CD38: variants seen among roughly 807,000 people sequenced by gnomAD.
CD38 encodes CD38 molecule.
In CD38, 31 loss-of-function variants were observed where a neutral mutation model predicts 36.3. The ratio of observed to expected loss-of-function variants is 0.85; its 90% confidence interval spans 0.64 to 1.15. The LOEUF (loss-of-function observed/expected upper bound fraction) is 1.15. CD38 is among the 50% of genes most tolerant of loss of function. The pLI, the probability that CD38 is intolerant of heterozygous loss-of-function variation, is 0.00. For missense variants in CD38, 380 were observed against 371.9 expected (o/e 1.02, Z -0.18); for synonymous variants, 131 against 135.2 (o/e 0.97, Z 0.22).
rs1419149712 is a variant in CD38, at chr4:15,848,980, G to A, written c.*378G>A. ...CAAGTGAAGAAAAGTGAATGCTCAA[G>A]TTTTTCAGAAAGCATTACATTTCCA... On this transcript the variant is annotated 3_prime_UTR_variant, in exon 8 of 8. Coordinates refer to ENST00000226279, the MANE Select transcript of CD38 (RefSeq NM_001775.4). 1 of 161,634 alleles carries A rather than the reference G, an allele frequency of 6.2e-6. No individual in the cohort carries two copies. Among genetic ancestry groups the A allele is most frequent in the African/African-American group, 2.4e-5 (1 of 41,762 alleles). 10.0% of individuals were successfully genotyped at this position (161,634 alleles called of 1,614,324 possible).
At chr4:15,815,470 G>C (rs1406460374) in intron 1 of CD38, among the ~76,000 whole-genome samples, 2 of 152,036 alleles carry the variant, frequency 1.3e-5, no homozygotes, top group African/African-American at 4.8e-5. Context: ...TCCTTGAAGA[G>C]GTCCTTATGT....
chr4:15,791,496 G>T (rs1238515559), intron 1 of CD38, among the ~76,000 whole-genome samples: 1 of 50,074 alleles, frequency 2.0e-5, no homozygotes, highest in Non-Finnish European at 3.5e-5. Flanking sequence ...TCAGCCCCCC[G>T]CCCGGCCAGC....
intron 1 of CD38, among the ~76,000 whole-genome samples, chr4:15,809,248 C>G (rs925938023): frequency 6.6e-6 from 1 of 152,114 alleles, no homozygotes; most frequent in Non-Finnish European, 1.5e-5. Context: ...GCAGTAGCAG[C>G]TGAGGGAGGT....
In CD38 at chr4:15,839,966, G is replaced by C. The variant is rs1181210901; in HGVS notation, c.660-60G>C. The C allele has an allele frequency of 3.7e-6, 4 of 1,092,654 alleles. No individual in the cohort carries two copies. In the East Asian group the frequency reaches 7.0e-5, roughly 19 times the overall value. The allele number at this position is 1,092,654 out of a possible 1,614,324, so 67.7% of individuals were successfully genotyped here. ...CCTTTCTGCCTGCTGGTTGTTGAGG[G>C]GGGTGTGGATGCTTTCGTTTGGGGT... On this transcript the variant is annotated intron_variant, in intron 5 of 7. Transcript: ENST00000226279.
chr4:15,784,902 A>G (rs1722777364), intron 1 of CD38, among the ~76,000 whole-genome samples: 1 of 152,040 alleles, frequency 6.6e-6, no homozygotes. Flanking sequence ...CTAAAAATAC[A>G]AAAATTAGCC....
chr4:15,814,406 T>C (rs1723538529), intron 1 of CD38, among the ~76,000 whole-genome samples: 2 of 152,252 alleles, frequency 1.3e-5, no homozygotes, highest in Admixed American at 6.5e-5. Context: ...TTCACTCTGA[T>C]GGTAGTTTCT....
intron 1 of CD38, among the ~76,000 whole-genome samples, chr4:15,791,495 C>T (rs1722987875): frequency 1.7e-5 from 1 of 60,420 alleles, no homozygotes; most frequent in Non-Finnish European, 2.9e-5. Context: ...GTCAGCCCCC[C>T]GCCCGGCCAG....
At chr4:15,848,470 C>A in intron 7 of CD38, 69 bp from the exon 8 acceptor site, 1 of 1,159,896 alleles carries the variant, frequency 8.6e-7, no homozygotes, top group Admixed American at 1.8e-5. Context: ...GGGGCTTCCT[C>A]CATTAGCGAA....
intron 1 of CD38, among the ~76,000 whole-genome samples, chr4:15,800,868 G>A (rs749454856): frequency 6.6e-6 from 1 of 151,892 alleles, no homozygotes; most frequent in Non-Finnish European, 1.5e-5. Context: ...CAACTTAACA[G>A]TGAACCTCAG....
intron 1 of CD38, among the ~76,000 whole-genome samples, chr4:15,811,161 G>C (rs1723460147): frequency 6.6e-6 from 1 of 152,074 alleles, no homozygotes; most frequent in Admixed American, 6.6e-5. Context: ...TACTACTCTG[G>C]ATGCAAGTCC....
At chr4:15,787,623 T>G (rs1247992743) in intron 1 of CD38, among the ~76,000 whole-genome samples, 1 of 152,178 alleles carries the variant, frequency 6.6e-6, no homozygotes. Flanking sequence ...TCTTTGTAGG[T>G]AAAGCGGCAG....
Position 15,816,658 on chromosome 4 carries a change from A to G in CD38, c.363+18A>G. On this transcript the variant is annotated intron_variant, in intron 2 of 7. Transcript: ENST00000226279. ...GCAACAAGGTAATTGGGGGCATGCC[A>G]TTGATTTTAAAACTGGGGATAAAAG... 1 of 1,612,936 alleles carries G rather than the reference A, an allele frequency of 6.2e-7. No individual in the cohort carries two copies. Among genetic ancestry groups the G allele is most frequent in the South Asian group, 1.1e-5 (1 of 90,946 alleles).
chr4:15,832,539 T>C (rs1723980040), intron 3 of CD38, among the ~76,000 whole-genome samples: 1 of 152,140 alleles, frequency 6.6e-6, no homozygotes, highest in Admixed American at 6.6e-5. Flanking sequence ...TTGGACAAGA[T>C]CTAGAAGGAT....
intron 7 of CD38, among the ~76,000 whole-genome samples, chr4:15,847,970 AC>A (rs1341996364): frequency 3.3e-5 from 5 of 152,132 alleles, no homozygotes; most frequent in Non-Finnish European, 7.4e-5. Context: ...AGGTTCTGAC[AC>A]CTCTTCCTTC....
chr4:15,792,403 A>C (rs1402652531), intron 1 of CD38, among the ~76,000 whole-genome samples: 1 of 134,052 alleles, frequency 7.5e-6, no homozygotes, highest in Non-Finnish European at 1.6e-5. Context: ...TCTGCGAGAA[A>C]CACCCAAGAA....
chr4:15,822,993 A>C (rs1277983471), intron 2 of CD38, among the ~76,000 whole-genome samples: 1 of 152,166 alleles, frequency 6.6e-6, no homozygotes, highest in African/African-American at 2.4e-5. Context: ...CACATAGACC[A>C]ATAGAACAGA....
chr4:15,796,746 C>T (rs1032792399), intron 1 of CD38, among the ~76,000 whole-genome samples: 2 of 152,110 alleles, frequency 1.3e-5, no homozygotes, highest in Non-Finnish European at 2.9e-5. Context: ...TATTTTTCCA[C>T]ACATAGTATC....
At chr4:15,788,663 C>T (rs1211470537) in intron 1 of CD38, among the ~76,000 whole-genome samples, 1 of 152,080 alleles carries the variant, frequency 6.6e-6, no homozygotes, top group Non-Finnish European at 1.5e-5. Context: ...GAATCAGGAC[C>T]CCGAATAGTG....
chr4:15,832,852 C>A (rs1723986961), intron 3 of CD38, among the ~76,000 whole-genome samples: 2 of 152,162 alleles, frequency 1.3e-5, no homozygotes, highest in Non-Finnish European at 2.9e-5. Flanking sequence ...TCCAGAGGTG[C>A]CATCCAGAAG....
Sources: allele counts gnomAD v4.1 joint callset (sites outside exome capture counted in the v4.1 genomes callset), GRCh38; gene constraint gnomAD v4.1.1; transcripts MANE v1.5; gene names NCBI Gene and HGNC (gene_info 2026-07-23, HGNC 2026-07-21).